Variants in SPOCK3 observed in about 807,000 individuals in gnomAD.
The protein encoded by SPOCK3 is SPARC (osteonectin), cwcv and kazal like domains proteoglycan 3, also known as testican-3.
A neutral mutation model predicts 56.6 loss-of-function variants in SPOCK3; 30 were observed. The ratio of observed to expected loss-of-function variants is 0.53; its 90% CI spans 0.40 to 0.72. The LOEUF is 0.72. SPOCK3 is among the 30% of genes least tolerant of loss of function. The probability of loss-of-function intolerance (pLI) is 0.00; values close to 1 mark genes in which losing one functional copy is unlikely to be tolerated. For synonymous variants in SPOCK3, 196 were observed against 183.3 expected (o/e 1.07, Z -0.56); for missense variants, 527 against 530.0 (o/e 0.99, Z 0.06).
intron 7 of SPOCK3, among the ~76,000 whole-genome samples, chr4:166,772,570 G>A (rs996134766): frequency 4.8e-4 from 22 of 45,776 alleles, no homozygotes; most frequent in African/African-American, 1.9e-3. Flanking sequence ...GAGGAAAAAA[G>A]TAAGGGAAAA....
intron 3 of SPOCK3, among the ~76,000 whole-genome samples, chr4:167,032,299 ATGT>A (rs1454026027): frequency 2.0e-5 from 3 of 151,964 alleles, no homozygotes; most frequent in East Asian, 1.9e-4. Flanking sequence ...TAATATAAAG[ATGT>A]TGTCAGCTAG....
chr4:166,750,163 A>G (rs1348716310), intron 8 of SPOCK3, among the ~76,000 whole-genome samples: 1 of 152,158 alleles, frequency 6.6e-6, no homozygotes, highest in Non-Finnish European at 1.5e-5. Context: ...TTGATTTTAA[A>G]CTATTTTCTT....
chr4:166,790,441 T>C (rs2126648885), intron 7 of SPOCK3, among the ~76,000 whole-genome samples: 1 of 152,318 alleles, frequency 6.6e-6, no homozygotes, highest in East Asian at 1.9e-4. Context: ...TCTGTGGATT[T>C]GTCATGCCTA....
intron 2 of SPOCK3, among the ~76,000 whole-genome samples, chr4:167,226,099 A>T (rs1405575144): frequency 6.6e-6 from 1 of 152,184 alleles, no homozygotes; most frequent in African/African-American, 2.4e-5. Context: ...TAACACAAGG[A>T]ATTCCATTCC....
At chr4:166,796,539 G>T (rs1256906699) in intron 6 of SPOCK3, among the ~76,000 whole-genome samples, 6 of 152,022 alleles carry the variant, frequency 3.9e-5, no homozygotes, top group Non-Finnish European at 8.8e-5. Context: ...ATTCATTTTT[G>T]CTTAATGTTA....
intron 2 of SPOCK3, among the ~76,000 whole-genome samples, chr4:167,211,013 A>G (rs564332885): frequency 6.6e-6 from 1 of 152,336 alleles, no homozygotes; most frequent in Admixed American, 6.5e-5. Flanking sequence ...GTTCAACTTA[A>G]GTTATAAATT....
chr4:166,847,642 C>A, intron 6 of SPOCK3, among the ~76,000 whole-genome samples: 1 of 31,586 alleles, frequency 3.2e-5, no homozygotes, highest in African/African-American at 9.6e-5. Context: ...AAGGAAAATC[C>A]TAGTTTATAT....
intron 4 of SPOCK3, among the ~76,000 whole-genome samples, chr4:166,997,826 G>A (rs1181282285): frequency 2.0e-5 from 3 of 152,114 alleles, no homozygotes; most frequent in Admixed American, 6.6e-5. Context: ...AAGAAACAGC[G>A]GGTTTCCTTT....
intron 2 of SPOCK3, among the ~76,000 whole-genome samples, chr4:167,131,891 T>A (rs1194536362): frequency 6.6e-6 from 1 of 152,212 alleles, no homozygotes; most frequent in Non-Finnish European, 1.5e-5. Flanking sequence ...AAGAAAAATC[T>A]GTTCCATATT....
At chr4:167,153,914 A>AGAGTTAG (rs58229866) in intron 2 of SPOCK3, among the ~76,000 whole-genome samples, 2 of 152,056 alleles carry the variant, frequency 1.3e-5, no homozygotes, top group Non-Finnish European at 2.9e-5. Flanking sequence ...GGGAAAAACT[A>AGAGTTAG]GGCTTTAATC....
intron 2 of SPOCK3, among the ~76,000 whole-genome samples, chr4:167,224,519 T>C (rs1712697181): frequency 6.6e-6 from 1 of 152,180 alleles, no homozygotes; most frequent in African/African-American, 2.4e-5. Context: ...ACTCGTTATT[T>C]GATTGTTTAA....
At chr4:167,100,496 C>CAA (rs1279905324) in intron 2 of SPOCK3, among the ~76,000 whole-genome samples, 1 of 150,748 alleles carries the variant, frequency 6.6e-6, no homozygotes, top group African/African-American at 2.4e-5. Context: ...CTCACACACA[C>CAA]ACACACACAA....
chr4:167,071,644 C>T (rs1047194058), intron 2 of SPOCK3, among the ~76,000 whole-genome samples: 6 of 132,530 alleles, frequency 4.5e-5, no homozygotes, highest in African/African-American at 1.9e-4. Context: ...TGGGTTGGTC[C>T]CAAGTCTTTG....
intron 4 of SPOCK3, among the ~76,000 whole-genome samples, chr4:166,974,861 A>G (rs186191606): frequency 6.6e-6 from 1 of 152,330 alleles, no homozygotes; most frequent in East Asian, 1.9e-4. Context: ...CAAAACTTAC[A>G]CTGAATGTTA....
At chr4:166,841,085 G>GTT (rs201046909) in intron 6 of SPOCK3, among the ~76,000 whole-genome samples, 17 of 151,544 alleles carry the variant, frequency 1.1e-4, no homozygotes, top group Middle Eastern at 3.4e-3. Context: ...GCCCGCAGAA[G>GTT]TTTTTTTTTA....
intron 2 of SPOCK3, among the ~76,000 whole-genome samples, chr4:167,125,297 T>A (rs1198915142): frequency 1.3e-5 from 2 of 149,816 alleles, no homozygotes; most frequent in African/African-American, 4.9e-5. Flanking sequence ...TCTAGAAAAG[T>A]GCCAGGCATA....
intron 2 of SPOCK3, among the ~76,000 whole-genome samples, chr4:167,092,432 T>C (rs1758784683): frequency 6.6e-6 from 1 of 152,188 alleles, no homozygotes; most frequent in African/African-American, 2.4e-5. Flanking sequence ...TTATTTTATC[T>C]TAGTGCCTTT....
At chr4:167,208,806 G>A (rs1047636483) in intron 2 of SPOCK3, among the ~76,000 whole-genome samples, 8 of 151,906 alleles carry the variant, frequency 5.3e-5, no homozygotes, top group African/African-American at 1.7e-4. Flanking sequence ...TTAATATTTA[G>A]CAAGGAAACT....
At chr4:167,215,698 G>A (rs1191264879) in intron 2 of SPOCK3, among the ~76,000 whole-genome samples, 1 of 152,100 alleles carries the variant, frequency 6.6e-6, no homozygotes, top group Non-Finnish European at 1.5e-5. Flanking sequence ...TTTGGGAATA[G>A]GAAATGTGGA....
Sources: allele counts gnomAD v4.1 joint callset (sites outside exome capture counted in the v4.1 genomes callset), GRCh38; gene constraint gnomAD v4.1.1; transcripts MANE v1.5; gene names NCBI Gene and HGNC (gene_info 2026-07-23, HGNC 2026-07-21).